The following OR3A2 variants were observed in gnomAD, a reference collection of about 807,000 sequenced individuals.
The protein encoded by OR3A2 is olfactory receptor 3A2.
For missense variants in OR3A2, 318 were observed against 392.8 expected (o/e 0.81, Z 1.61); for synonymous variants, 126 against 159.3 (o/e 0.79, Z 1.57).
At position 3,386,274 on chromosome 17, in the gene OR3A2, G is replaced by A. The variant is rs1359784879; in HGVS notation, c.-424C>T. On this transcript the variant is annotated 5_prime_UTR_variant, in exon 1 of 5. Coordinates refer to the OR3A2 transcript ENST00000573491. ...TGGGCATCACCGAGAGCTACCTCCT[G>A]GCGGCCATGTCCTACGACCGCCCGA... 3 of 398,516 alleles carry A rather than the reference G, an allele frequency of 7.5e-6. No individual in the cohort carries two copies. In the Admixed American group the frequency reaches 1.3e-4, roughly 18 times the overall value. The allele number at this position is 398,516 out of a possible 1,614,324, so 24.7% of individuals were successfully genotyped here. A position where few individuals can be genotyped will look rare whatever the true frequency, so the allele number is the denominator to read the frequency against.
At chr17:3,362,159 T>C (rs938682838) in intron 2 of OR3A2, among the ~76,000 whole-genome samples, 7 of 151,774 alleles carry the variant, frequency 4.6e-5, no homozygotes, top group Admixed American at 2.0e-4. Context: ...GTGTATGTGT[T>C]GAGGAATTTA....
At position 3,357,186 on chromosome 17, in the gene OR3A2, A is replaced by G. The variant is rs538449333; in HGVS notation, c.-178-21060T>C. ...TAGGTGGTACTAATACAGCTAGTCC[A>G]TGAAGCAGCATTTGGGAACCATGGG... On this transcript the variant is annotated intron_variant, in intron 2 of 4. Coordinates refer to the OR3A2 transcript ENST00000573491. 2.6e-5 allele frequency among the ~76,000 whole-genome samples: 4 copies of G among 151,810 alleles called. 1 individual carries two copies. The highest frequency in any genetic ancestry group is 9.7e-5 in the African/African-American group (4 of 41,138).
intron 2 of OR3A2, among the ~76,000 whole-genome samples, chr17:3,349,828 C>T (rs1440338860): frequency 5.3e-5 from 8 of 152,062 alleles, no homozygotes; most frequent in Admixed American, 2.0e-4. Context: ...TTATAACAAA[C>T]TATCTCTCAG....
At chr17:3,291,541 A>T in intron 3 of OR3A2, 3 of 963,550 alleles carry the variant, frequency 3.1e-6, no homozygotes, top group Non-Finnish European at 3.1e-6. Context: ...CATGAAACAG[A>T]AACAGGTGTG....
At chr17:3,347,388 TCC>T (rs2097275285) in intron 2 of OR3A2, among the ~76,000 whole-genome samples, 1 of 152,082 alleles carries the variant, frequency 6.6e-6, no homozygotes, top group African/African-American at 2.4e-5. Flanking sequence ...ATGCTATCCC[TCC>T]CCTCTCCCCC....
upstream of OR3A2, among the ~76,000 whole-genome samples, chr17:3,289,298 A>G (rs2048843142): frequency 6.6e-6 from 1 of 152,252 alleles, no homozygotes; most frequent in African/African-American, 2.4e-5. Context: ...CCAGTTTGAA[A>G]TATAAAAGGG....
At chr17:3,346,322 G>A (rs1387039000) in intron 2 of OR3A2, among the ~76,000 whole-genome samples, 1 of 152,150 alleles carries the variant, frequency 6.6e-6, no homozygotes, top group Non-Finnish European at 1.5e-5. Flanking sequence ...GGCAGGCAAT[G>A]TGTGCAAATT....
intron 3 of OR3A2, among the ~76,000 whole-genome samples, chr17:3,319,450 T>C (rs1199283355): frequency 6.6e-6 from 1 of 152,168 alleles, no homozygotes; most frequent in Non-Finnish European, 1.5e-5. Context: ...TATGTATACA[T>C]GCGCCATGTT....
At chr17:3,342,536 G>A (rs910823637) in intron 2 of OR3A2, among the ~76,000 whole-genome samples, 1 of 152,214 alleles carries the variant, frequency 6.6e-6, no homozygotes, top group African/African-American at 2.4e-5. Context: ...CTGCAGGTCT[G>A]TTAGAGTTTG....
chr17:3,371,856 G>A (rs1210720465), intron 2 of OR3A2, among the ~76,000 whole-genome samples: 14 of 141,786 alleles, frequency 9.9e-5, no homozygotes, highest in Non-Finnish European at 1.4e-4. Context: ...CCCGGACGGG[G>A]CGGCTGGCCG....
intron 3 of OR3A2, among the ~76,000 whole-genome samples, chr17:3,305,843 T>C (rs146689251): frequency 6.6e-6 from 1 of 152,208 alleles, no homozygotes; most frequent in African/African-American, 2.4e-5. Flanking sequence ...GGAATAGTGA[T>C]TAGGTGGTAA....
intron 3 of OR3A2, among the ~76,000 whole-genome samples, chr17:3,324,535 T>G (rs1376596044): frequency 6.6e-6 from 1 of 152,100 alleles, no homozygotes; most frequent in East Asian, 1.9e-4. Flanking sequence ...AGATGGGTTT[T>G]TGGTGCGGAT....
intron 2 of OR3A2, among the ~76,000 whole-genome samples, chr17:3,355,351 G>A (rs1348849017): frequency 1.3e-5 from 2 of 150,972 alleles, no homozygotes; most frequent in Admixed American, 6.6e-5. Context: ...ATCATTTTTT[G>A]TTGATTGTCT....
intron 3 of OR3A2, among the ~76,000 whole-genome samples, chr17:3,297,134 A>C (rs2048925447): frequency 6.6e-6 from 1 of 152,202 alleles, no homozygotes; most frequent in Admixed American, 6.5e-5. Context: ...ATCCCAAATT[A>C]GGTCCCCATA....
chr17:3,321,316 C>T (rs189954681), intron 3 of OR3A2, among the ~76,000 whole-genome samples: 4 of 152,248 alleles, frequency 2.6e-5, no homozygotes, highest in Non-Finnish European at 5.9e-5. Context: ...ACAATCATGT[C>T]ATCTGCAAAC....
At chr17:3,292,403 GGT>G (rs2048883673) in intron 3 of OR3A2, 1 of 1,614,044 alleles carries the variant, frequency 6.2e-7, no homozygotes, top group African/African-American at 1.3e-5. Context: ...AGTACATGGG[GGT>G]GTGGAGTTTG....
At chr17:3,343,633 A>G (rs1487170882) in intron 2 of OR3A2, among the ~76,000 whole-genome samples, 1 of 152,182 alleles carries the variant, frequency 6.6e-6, no homozygotes, top group African/African-American at 2.4e-5. Flanking sequence ...CAAATTCAGT[A>G]ATTCAGTAGT....
At chr17:3,376,319 G>T (rs968599287) in intron 2 of OR3A2, among the ~76,000 whole-genome samples, 3 of 152,180 alleles carry the variant, frequency 2.0e-5, no homozygotes, top group African/African-American at 7.2e-5. Flanking sequence ...TAAATAATGG[G>T]GTTTCTCAGG....
rs910324880 is a variant in OR3A2, at chr17:3,362,050, C to CT, written c.-179+21753dup. On this transcript the variant is annotated intron_variant, in intron 2 of 4. Coordinates refer to the OR3A2 transcript ENST00000573491. ...GGCTGTGAATCCGTCTAGTCCTGGA[C>CT]TTTTTTTGGTTGGTAGGCTATAAAT... 5.3e-5 allele frequency among the ~76,000 whole-genome samples: 8 copies of CT among 151,648 alleles called. No homozygotes were observed. The East Asian group carries it at 5.8e-4, about 11-fold the overall frequency.
Sources: allele counts gnomAD v4.1 joint callset (sites outside exome capture counted in the v4.1 genomes callset), GRCh38; gene constraint gnomAD v4.1.1; transcripts MANE v1.5; gene names NCBI Gene and HGNC (gene_info 2026-07-23, HGNC 2026-07-21).